NRG3: variants seen among roughly 807,000 people sequenced by gnomAD.
NRG3 encodes the protein pro-neuregulin-3, membrane-bound isoform.
NRG3 carries 31 observed loss-of-function variants against 66.9 expected under a neutral mutation model. That is an observed-to-expected ratio of 0.46 (90% CI 0.35 to 0.63). The LOEUF is 0.63. NRG3 is among the 20% of genes least tolerant of loss of function. The probability of loss-of-function intolerance (pLI) is 0.00; values close to 1 mark genes in which losing one functional copy is unlikely to be tolerated. For synonymous variants in NRG3, 393 were observed against 359.4 expected, an observed-to-expected ratio of 1.09 and a Z score of -1.06; for missense variants, 910 against 878.9, an observed-to-expected ratio of 1.04 and a Z score of -0.45.
chr10:82,436,404 C>T (rs1173407311), intron 2 of NRG3, among the ~76,000 whole-genome samples: 1 of 152,040 alleles, frequency 6.6e-6, no homozygotes, highest in African/African-American at 2.4e-5. Flanking sequence ...TTCCTCTATC[C>T]CTTTATTTTG....
chr10:82,901,874 T>G (rs1844255825), intron 4 of NRG3, among the ~76,000 whole-genome samples: 1 of 152,184 alleles, frequency 6.6e-6, no homozygotes, highest in Non-Finnish European at 1.5e-5. Flanking sequence ...TCACCATGCT[T>G]TAGCAATGGT....
At chr10:82,206,767 C>G (rs1221586851) in intron 1 of NRG3, among the ~76,000 whole-genome samples, 1 of 152,166 alleles carries the variant, frequency 6.6e-6, no homozygotes, top group Admixed American at 6.5e-5. Context: ...TTCTATGTTT[C>G]TTCTTTATCA....
intron 1 of NRG3, among the ~76,000 whole-genome samples, chr10:82,247,328 G>A (rs1441785629): frequency 1.3e-5 from 2 of 152,166 alleles, no homozygotes; most frequent in Admixed American, 6.5e-5. Flanking sequence ...GACCCAGCAT[G>A]TTCAGGTTCC....
intron 1 of NRG3, among the ~76,000 whole-genome samples, chr10:82,238,327 G>GA (rs369873851): frequency 1.4e-4 from 20 of 145,214 alleles, no homozygotes; most frequent in Admixed American, 3.4e-4. Context: ...AGCTTAAAAA[G>GA]AAAAAAAAAA....
At chr10:82,387,694 C>T (rs2086096040) in intron 2 of NRG3, among the ~76,000 whole-genome samples, 1 of 152,110 alleles carries the variant, frequency 6.6e-6, no homozygotes, top group Non-Finnish European at 1.5e-5. Context: ...AATTGGCTGT[C>T]CATCAACTTC....
At chr10:82,591,936 G>T (rs1490540807) in intron 2 of NRG3, among the ~76,000 whole-genome samples, 2 of 152,156 alleles carry the variant, frequency 1.3e-5, no homozygotes, top group Admixed American at 6.6e-5. Context: ...ATCCCATTCT[G>T]CAGAGAACTC....
chr10:82,889,765 TGGA>T (rs1165660772), intron 4 of NRG3, among the ~76,000 whole-genome samples: 3 of 152,132 alleles, frequency 2.0e-5, no homozygotes, highest in Admixed American at 6.5e-5. Context: ...GGCTTGAAGG[TGGA>T]GTTTTGAGTA....
chr10:82,892,055 A>G (rs1421010248), intron 4 of NRG3, among the ~76,000 whole-genome samples: 1 of 152,134 alleles, frequency 6.6e-6, no homozygotes, highest in African/African-American at 2.4e-5. Context: ...AGTAAAATTG[A>G]TTAGTTTTCA....
intron 1 of NRG3, among the ~76,000 whole-genome samples, chr10:82,347,354 A>C (rs1173132775): frequency 6.6e-6 from 1 of 151,954 alleles, no homozygotes; most frequent in African/African-American, 2.4e-5. Context: ...CAGGTTGTTC[A>C]GTTTCCATGA....
chr10:82,904,441 G>A (rs1029551565), intron 4 of NRG3, among the ~76,000 whole-genome samples: 4 of 152,122 alleles, frequency 2.6e-5, no homozygotes, highest in South Asian at 2.1e-4. Flanking sequence ...GAGACATGGA[G>A]GATGAGCAGC....
At chr10:82,940,633 G>T (rs1248116710) in intron 4 of NRG3, among the ~76,000 whole-genome samples, 2 of 152,138 alleles carry the variant, frequency 1.3e-5, no homozygotes, top group Non-Finnish European at 2.9e-5. Flanking sequence ...AGTTCTGGAG[G>T]CTGGGAAGAC....
intron 4 of NRG3, among the ~76,000 whole-genome samples, chr10:82,942,458 G>A (rs1457336733): frequency 6.6e-6 from 1 of 152,240 alleles, no homozygotes. Context: ...GCCCAGTTAA[G>A]TAGATATCAT....
chr10:82,963,605 A>G (rs1592109066), intron 6 of NRG3, among the ~76,000 whole-genome samples: 1 of 152,176 alleles, frequency 6.6e-6, no homozygotes, highest in East Asian at 1.9e-4. Flanking sequence ...ACGTGAACCC[A>G]GGAGGCAGAG....
At position 82,201,575 on chromosome 10, in the gene NRG3, G is replaced by A. The variant is rs143725528; in HGVS notation, c.824-157164G>A. Among the ~76,000 whole-genome samples the A allele has an allele frequency of 5.5e-3, 834 of 152,130 alleles. 8 individuals carry two copies. Among genetic ancestry groups the A allele is most frequent in the African/African-American group, 0.019 (788 of 41,492 alleles). ...ATTTTGGTGAGAGGCCTTTAATAGC[G>A]GTATTGAGAAGGCAAACCTTCAATT... On this transcript the variant is annotated intron_variant, in intron 1 of 8. Coordinates refer to ENST00000372141, the MANE Select transcript of NRG3 (RefSeq NM_001010848.4).
At chr10:82,960,776 A>G (rs1314231311) in intron 6 of NRG3, among the ~76,000 whole-genome samples, 1 of 152,112 alleles carries the variant, frequency 6.6e-6, no homozygotes, top group Admixed American at 6.6e-5. Context: ...ATCCTGGCTC[A>G]AAAAGCTCCC....
chr10:82,482,288 C>A (rs1842335411), intron 2 of NRG3, among the ~76,000 whole-genome samples: 1 of 152,118 alleles, frequency 6.6e-6, no homozygotes, highest in Non-Finnish European at 1.5e-5. Flanking sequence ...AGAAAGGCTG[C>A]CACACTGTGT....
At chr10:82,355,922 TATA>T (rs754091707) in intron 1 of NRG3, among the ~76,000 whole-genome samples, 1 of 152,240 alleles carries the variant, frequency 6.6e-6, no homozygotes, top group African/African-American at 2.4e-5. Context: ...ATTAAAAAGT[TATA>T]ATAATGTTGT....
chr10:82,064,466 A>G (rs2064338649), intron 1 of NRG3, among the ~76,000 whole-genome samples: 1 of 152,230 alleles, frequency 6.6e-6, no homozygotes, highest in South Asian at 2.1e-4. Flanking sequence ...ACAAATATAA[A>G]GAAAGCATGA....
chr10:82,772,944 A>G (rs1416464139), intron 3 of NRG3, among the ~76,000 whole-genome samples: 1 of 151,854 alleles, frequency 6.6e-6, no homozygotes, highest in Non-Finnish European at 1.5e-5. Flanking sequence ...GGCTCAAGTG[A>G]TCCTTTTACC....
Sources: allele counts gnomAD v4.1 joint callset (sites outside exome capture counted in the v4.1 genomes callset), GRCh38; gene constraint gnomAD v4.1.1; transcripts MANE v1.5; gene names NCBI Gene and HGNC (gene_info 2026-07-23, HGNC 2026-07-21).